The following COBL variants were observed in gnomAD, a reference collection of about 807,000 sequenced individuals.
COBL encodes the protein protein cordon-bleu.
A neutral mutation model predicts 98.8 loss-of-function variants in COBL; 51 were observed. That is an observed-to-expected ratio of 0.52 (90% confidence interval 0.41 to 0.65). The LOEUF (loss-of-function observed/expected upper bound fraction) is 0.65. Among genes scored for constraint, COBL ranks in the 30% least tolerant of loss-of-function variants. COBL has a pLI of 0.00. For synonymous variants in COBL, 634 were observed against 651.7 expected (o/e 0.97, Z 0.41); for missense variants, 1,617 against 1,617.5 (o/e 1.00, Z 0.01).
chr7:51,313,550 T>C (rs1424918804), intron 1 of COBL, among the ~76,000 whole-genome samples: 1 of 152,226 alleles, frequency 6.6e-6, no homozygotes, highest in African/African-American at 2.4e-5. Flanking sequence ...ACTGCTTGAA[T>C]ACAGCCATTG....
intron 1 of COBL, among the ~76,000 whole-genome samples, chr7:51,259,042 C>A (rs564538295): frequency 1.3e-5 from 2 of 152,226 alleles, no homozygotes; most frequent in South Asian, 4.1e-4. Context: ...AATCCCAGCA[C>A]TTTGGGAGGC....
At chr7:51,290,461 T>G (rs1800790243) in intron 1 of COBL, among the ~76,000 whole-genome samples, 1 of 152,038 alleles carries the variant, frequency 6.6e-6, no homozygotes, top group Non-Finnish European at 1.5e-5. Flanking sequence ...TTGTCTACAT[T>G]GTAAAATGAT....
At chr7:51,133,033 G>A (rs1798897560) in intron 6 of COBL, among the ~76,000 whole-genome samples, 1 of 152,156 alleles carries the variant, frequency 6.6e-6, no homozygotes, top group Non-Finnish European at 1.5e-5. Context: ...ATATCACTCA[G>A]TATAGGAAGG....
chr7:51,194,643 A>T (rs1451027625), intron 2 of COBL, among the ~76,000 whole-genome samples: 1 of 152,144 alleles, frequency 6.6e-6, no homozygotes, highest in African/African-American at 2.4e-5. Flanking sequence ...TGACTTTTTC[A>T]TGATAGCCCT....
intron 1 of COBL, among the ~76,000 whole-genome samples, chr7:51,254,081 T>TG (rs397890767): frequency 3.9e-5 from 6 of 152,064 alleles, no homozygotes; most frequent in Non-Finnish European, 8.8e-5. Flanking sequence ...GTTTTTTTTT[T>TG]GTCAAAAGAA....
intron 5 of COBL, among the ~76,000 whole-genome samples, chr7:51,158,882 G>GGGGGACAGGGAAGGCACAGCGCC (rs1351072601): frequency 5.3e-5 from 8 of 152,004 alleles, no homozygotes; most frequent in Non-Finnish European, 7.4e-5. Flanking sequence ...GGGAAGGCGT[G>GGGGGACAGGGAAGGCACAGCGCC]GGGGACAGGG....
chr7:51,280,783 G>A (rs1799750677), intron 1 of COBL, among the ~76,000 whole-genome samples: 1 of 152,160 alleles, frequency 6.6e-6, no homozygotes, highest in African/African-American at 2.4e-5. Flanking sequence ...TTCCCAGACT[G>A]GCCACCGGTA....
chr7:51,259,643 G>C, intron 1 of COBL: 3 of 728,984 alleles, frequency 4.1e-6, no homozygotes, highest in Non-Finnish European at 5.0e-6. Flanking sequence ...AATTCCCCTG[G>C]TGCTCCTCAT....
intron 1 of COBL, among the ~76,000 whole-genome samples, chr7:51,227,611 C>T (rs1794333164): frequency 6.6e-6 from 1 of 152,146 alleles, no homozygotes; most frequent in South Asian, 2.1e-4. Context: ...TGTGCAGAGA[C>T]CCTGCTCTTT....
intron 1 of COBL, among the ~76,000 whole-genome samples, chr7:51,230,146 C>T (rs1794612614): frequency 1.3e-5 from 2 of 152,154 alleles, no homozygotes; most frequent in East Asian, 1.9e-4. Context: ...CCAGCTGCCC[C>T]CATCAGACAC....
chr7:51,239,243 C>A (rs1795548378), intron 1 of COBL, among the ~76,000 whole-genome samples: 1 of 152,056 alleles, frequency 6.6e-6, no homozygotes, highest in African/African-American at 2.4e-5. Context: ...AGGAGGTCTG[C>A]ACAAAATACA....
At position 51,098,224 on chromosome 7, in the gene COBL, C is replaced by CTTTTTTTTTTTTTTTTTTTTT. The variant is rs551768231; in HGVS notation, c.958-12921_958-12920insAAAAAAAAAAAAAAAAAAAAA. The stretch of plus-strand genomic sequence containing the variant: ...ACTACCAAAATCCCAATAGCAGTTT[C>CTTTTTTTTTTTTTTTTTTTTT]TTTTTTTTTTTTGGAGAAATAGGAA... On this transcript the variant is annotated intron_variant, in intron 6 of 12. Coordinates refer to ENST00000265136, the MANE Select transcript of COBL (RefSeq NM_015198.5). 1.2e-3 allele frequency among the ~76,000 whole-genome samples: 125 copies of CTTTTTTTTTTTTTTTTTTTTT among 100,778 alleles called. 18 individuals are homozygous for CTTTTTTTTTTTTTTTTTTTTT. Among genetic ancestry groups the CTTTTTTTTTTTTTTTTTTTTT allele is most frequent in the African/African-American group, 3.6e-3 (81 of 22,316 alleles). The allele number at this position is 100,778 out of a possible 152,430, so 66.1% of individuals were successfully genotyped here.
Position 51,027,804 on chromosome 7 carries a change from C to T in COBL, c.3292G>A (p.Val1098Ile), listed in dbSNP as rs1787719597. 4.3e-6 allele frequency: 7 copies of T among 1,614,220 alleles called. No individual in the cohort carries two copies. Among genetic ancestry groups the T allele is most frequent in the Non-Finnish European group, 5.9e-6 (7 of 1,180,046 alleles). ...IFGPKKKFKP[V>I]VQRPVPKDTS... ...TCTTTTGGGACTGGTCTCTGGACAA[C>T]AGGTTTGAATTTTTTCTTCGGCCCA... The change falls in exon 10 of 13, where the codon GTT (valine) becomes ATT (isoleucine). Residue 1098 changes from valine (V) to isoleucine (I), a missense_variant. By Grantham distance (29) the Val-to-Ile change is conservative. Around this residue, in one of 3 missense-constraint regions of COBL, gnomAD observed 1,304 missense variants for 1,282.0 expected, o/e 1.02. Coordinates refer to ENST00000265136, the MANE Select transcript of COBL (RefSeq NM_015198.5).
chr7:51,234,510 G>C (rs1795052893), intron 1 of COBL, among the ~76,000 whole-genome samples: 1 of 152,146 alleles, frequency 6.6e-6, no homozygotes, highest in African/African-American at 2.4e-5. Flanking sequence ...AGACCAGCCT[G>C]GGCAACACAG....
intron 6 of COBL, among the ~76,000 whole-genome samples, chr7:51,108,225 C>A (rs1192817463): frequency 1.3e-5 from 2 of 152,194 alleles, no homozygotes; most frequent in African/African-American, 4.8e-5. Context: ...CAGCCACTCT[C>A]CTGGTGGCAT....
Position 51,029,132 on chromosome 7 carries a change from G to T in COBL, c.1964C>A (p.Ala655Asp). 6.2e-7 allele frequency: 1 copy of T among 1,614,114 alleles called. No homozygotes were observed. The highest frequency in any genetic ancestry group is 8.5e-7 in the Non-Finnish European group (1 of 1,180,016). Residue 655 changes from alanine to aspartate, a missense_variant, in exon 10 of 13, where the codon GCT (alanine) becomes GAT (aspartate). By Grantham distance (126) the Ala-to-Asp change is moderately radical (BLOSUM62 -2). Around this residue, in one of 3 missense-constraint regions of COBL, gnomAD observed 1,304 missense variants for 1,282.0 expected, o/e 1.02. Transcript: ENST00000265136. The stretch of plus-strand genomic sequence containing the variant: ...TGTGGCTTGAGTCCTCTCCCCGTCA[G>T]CACAGCCATACACTTTGTCTTTCAC... ...AKVKDKVYGC[A>D]DGERTQATER...
At chr7:51,023,629 C>G (rs1352981108) in intron 12 of COBL, among the ~76,000 whole-genome samples, 1 of 152,246 alleles carries the variant, frequency 6.6e-6, no homozygotes, top group Non-Finnish European at 1.5e-5. Flanking sequence ...TCCACAGGGA[C>G]TCATCCCTCC....
intron 7 of COBL, among the ~76,000 whole-genome samples, chr7:51,075,015 A>G (rs185840341): frequency 6.6e-6 from 1 of 152,354 alleles, no homozygotes; most frequent in African/African-American, 2.4e-5. Context: ...TTAACAAAGA[A>G]GTATAACTTC....
intron 1 of COBL, among the ~76,000 whole-genome samples, chr7:51,303,822 A>C (rs138764659): frequency 1.1e-4 from 17 of 152,294 alleles, no homozygotes; most frequent in African/African-American, 3.8e-4. Flanking sequence ...TATTTTATCC[A>C]ATATCCAAAC....
Sources: gnomAD v4.1 joint callset for allele counts (sites outside exome capture counted in the v4.1 genomes callset) on GRCh38, gnomAD v4.1.1 for gene constraint, gnomAD v4.1.1 regional missense constraint, MANE v1.5 for transcripts, NCBI Gene and HGNC (gene_info 2026-07-23, HGNC 2026-07-21) for gene names.